Variants in UNC13C observed in about 807,000 individuals in gnomAD.
The protein encoded by UNC13C is protein unc-13 homolog C.
In UNC13C, 174 loss-of-function variants were observed where a neutral mutation model predicts 245.4. The ratio of observed to expected loss-of-function variants is 0.71; its 90% CI spans 0.63 to 0.80. The LOEUF (loss-of-function observed/expected upper bound fraction) is 0.80, where lower values mean the gene tolerates loss of function less well. UNC13C is among the 30% of genes least tolerant of loss of function. The probability of loss-of-function intolerance (pLI) is 0.00; values close to 1 mark genes in which losing one functional copy is unlikely to be tolerated. For missense variants in UNC13C, 2,829 were observed against 2,602.9 expected (o/e 1.09, Z -1.89); for synonymous variants, 992 against 895.1 (o/e 1.11, Z -1.93).
intron 4 of UNC13C, among the ~76,000 whole-genome samples, chr15:54,216,744 G>A (rs1290949898): frequency 1.3e-5 from 2 of 151,914 alleles, no homozygotes; most frequent in East Asian, 3.9e-4. Flanking sequence ...AATATTCTAT[G>A]CCCTATTTAA....
At chr15:53,946,580 A>G in the UNC13C span, among the ~76,000 whole-genome samples, 3 of 150,960 alleles carry the variant, frequency 2.0e-5, no homozygotes, top group Admixed American at 6.6e-5. Context: ...AATTAGCTGG[A>G]CACAGTGGCA....
intron 4 of UNC13C, among the ~76,000 whole-genome samples, chr15:54,156,495 T>A (rs2032751375): frequency 1.3e-5 from 2 of 151,998 alleles, no homozygotes; most frequent in African/African-American, 4.8e-5. Context: ...TATTCCAGAG[T>A]CACAGAGTGA....
At chr15:54,546,680 C>T in intron 26 of UNC13C, 42 bp from the exon 27 acceptor site, 1 of 1,270,294 alleles carries the variant, frequency 7.9e-7, no homozygotes, top group Non-Finnish European at 1.0e-6. Context: ...ATACCTTGAT[C>T]TGAAATTTAA....
chr15:54,393,132 G>A lies in UNC13C; in HGVS notation c.4798G>A (p.Val1600Ile), dbSNP rs1396394374. The change falls in exon 18 of 33, where the codon GTT becomes ATT. Residue 1600 changes from valine to isoleucine, a missense_variant. Physicochemically the swap from Val to Ile is conservative, Grantham distance 29. Transcript: ENST00000260323. ...TTGGCCCCAACTTATTACACTGATG[G>A]TTACTATTATTGATGAGGATAAAAC... Reference protein sequence around the residue: ...DFWPQLITLMVTIIDEDKTAY... With the variant: ...DFWPQLITLMITIIDEDKTAY... 3 of 1,609,976 alleles carry A rather than the reference G, an allele frequency of 1.9e-6. No homozygotes were observed. The highest frequency in any genetic ancestry group is 2.7e-5 in the African/African-American group (2 of 74,602).
chr15:54,230,787 G>A (rs771300354), intron 4 of UNC13C, among the ~76,000 whole-genome samples: 4 of 151,954 alleles, frequency 2.6e-5, no homozygotes, highest in Non-Finnish European at 4.4e-5. Context: ...GAGGTGACAA[G>A]TATGTTAATT....
the UNC13C span, among the ~76,000 whole-genome samples, chr15:53,894,644 C>T: frequency 6.6e-6 from 1 of 152,148 alleles, no homozygotes; most frequent in African/African-American, 2.4e-5. Context: ...ACCTGAGTAT[C>T]TTGAGACTTC....
At position 54,322,093 on chromosome 15, in the gene UNC13C, G is replaced by T. The variant is rs1176697734; in HGVS notation, c.4423G>T (p.Gly1475Cys). 6.4e-7 allele frequency: 1 copy of T among 1,559,958 alleles called. No individual in the cohort carries two copies. Among genetic ancestry groups the T allele is most frequent in the African/African-American group, 1.4e-5 (1 of 73,082 alleles). ...AGATCGATTTGCTGCTACCAACTTT[G>T]GTGTAAGTATAATTTTTTAAACTTT... Reference protein sequence around the residue: ...ASDRFAATNFGREKFIKLLDQ... With the variant: ...ASDRFAATNFCREKFIKLLDQ... The change falls in exon 14 of 33, where the codon GGT becomes TGT. Residue 1475 changes from glycine to cysteine, a missense_variant and splice_region_variant. By Grantham distance (159) the Gly-to-Cys change is radical. Transcript: ENST00000260323.
At chr15:53,879,810 C>G in the UNC13C span, among the ~76,000 whole-genome samples, 1 of 152,172 alleles carries the variant, frequency 6.6e-6, no homozygotes, top group Admixed American at 6.5e-5. Context: ...TGGTCTTGAA[C>G]TCCTGACCTC....
At chr15:54,365,078 A>G (rs1567217715) in intron 17 of UNC13C, among the ~76,000 whole-genome samples, 1 of 151,628 alleles carries the variant, frequency 6.6e-6, no homozygotes, top group Non-Finnish European at 1.5e-5. Flanking sequence ...CCATTTAGAG[A>G]GAGAAAGAAC....
At chr15:54,214,659 G>A (rs539340094) in intron 4 of UNC13C, among the ~76,000 whole-genome samples, 5 of 152,032 alleles carry the variant, frequency 3.3e-5, no homozygotes, top group African/African-American at 1.2e-4. Context: ...AAGAAATGTA[G>A]TTTCTTTGCT....
intron 17 of UNC13C, among the ~76,000 whole-genome samples, chr15:54,382,327 C>T (rs1487214594): frequency 1.3e-5 from 2 of 152,094 alleles, no homozygotes; most frequent in African/African-American, 2.4e-5. Context: ...CTCCTATAGT[C>T]CCCACACTTT....
the UNC13C span, among the ~76,000 whole-genome samples, chr15:53,889,849 G>C: frequency 1.3e-5 from 2 of 152,088 alleles, no homozygotes; most frequent in Non-Finnish European, 2.9e-5. Context: ...ATATGATGGT[G>C]TATGTTTATT....
intron 2 of UNC13C, among the ~76,000 whole-genome samples, chr15:54,093,402 A>T (rs1899674794): frequency 6.6e-6 from 1 of 152,230 alleles, no homozygotes; most frequent in African/African-American, 2.4e-5. Flanking sequence ...GAACGTTAGT[A>T]TTACTCCTTA....
At chr15:54,307,240 A>G (rs898772193) in intron 13 of UNC13C, among the ~76,000 whole-genome samples, 1 of 151,980 alleles carries the variant, frequency 6.6e-6, no homozygotes, top group Non-Finnish European at 1.5e-5. Flanking sequence ...TTAAGGTGCC[A>G]TCAGATCTGG....
At chr15:54,589,825 T>A (rs944320398) in intron 30 of UNC13C, among the ~76,000 whole-genome samples, 1 of 152,194 alleles carries the variant, frequency 6.6e-6, no homozygotes, top group Non-Finnish European at 1.5e-5. Flanking sequence ...CTATTTATCT[T>A]TGTTTTCATT....
intron 4 of UNC13C, among the ~76,000 whole-genome samples, chr15:54,167,795 A>C (rs2033239432): frequency 6.6e-6 from 1 of 152,070 alleles, no homozygotes; most frequent in African/African-American, 2.4e-5. Flanking sequence ...AAGTTAAACA[A>C]TCCAATAAAT....
chr15:53,898,502 A>T, the UNC13C span, among the ~76,000 whole-genome samples: 1 of 152,084 alleles, frequency 6.6e-6, no homozygotes, highest in Admixed American at 6.6e-5. Flanking sequence ...ACATTTCCCC[A>T]AACAGTAGCC....
At chr15:54,595,218 C>A (rs1192690341) in intron 30 of UNC13C, among the ~76,000 whole-genome samples, 1 of 152,042 alleles carries the variant, frequency 6.6e-6, no homozygotes, top group African/African-American at 2.4e-5. Flanking sequence ...TGTTATCTCC[C>A]TGAGCAACCT....
rs79833915 is a variant in UNC13C, at chr15:54,280,785, C to T, written c.3819-13110C>T. 4.9e-5 allele frequency among the ~76,000 whole-genome samples: 7 copies of T among 142,408 alleles called. No homozygotes were observed. The South Asian group carries it at 6.7e-4, about 14-fold the overall frequency. The allele number at this position is 142,408 out of a possible 152,430, so 93.4% of individuals were successfully genotyped here. ...ACATACATACATATATATATATACA[C>T]ATATATATATATATACTTTTTAAAA... On this transcript the variant is annotated intron_variant, in intron 10 of 32. Transcript: ENST00000260323.
Sources: allele counts gnomAD v4.1 joint callset (sites outside exome capture counted in the v4.1 genomes callset), GRCh38; gene constraint gnomAD v4.1.1; transcripts MANE v1.5; gene names NCBI Gene and HGNC (gene_info 2026-07-23, HGNC 2026-07-21).